Variants in MAGI2 observed in about 807,000 individuals in gnomAD.
MAGI2 encodes membrane associated guanylate kinase, WW and PDZ domain containing 2.
A neutral mutation model predicts 133.3 loss-of-function variants in MAGI2; 35 were observed. The observed-to-expected ratio is 0.26, with a 90% CI of 0.20 to 0.35. The LOEUF is 0.35. Ranked by LOEUF, MAGI2 falls within the 10% of genes least tolerant of loss-of-function variation. MAGI2 has a pLI of 1.00. For missense variants in MAGI2, 1,636 were observed against 1,863.4 expected (o/e 0.88, Z 2.25); for synonymous variants, 729 against 710.6 (o/e 1.03, Z -0.41).
At chr7:78,341,714 A>T (rs1790397175) in intron 9 of MAGI2, among the ~76,000 whole-genome samples, 1 of 152,232 alleles carries the variant, frequency 6.6e-6, no homozygotes, top group African/African-American at 2.4e-5. Flanking sequence ...TGGGGAAAGA[A>T]TTCCCTATTT....
intron 1 of MAGI2, among the ~76,000 whole-genome samples, chr7:79,335,965 G>A (rs919015001): frequency 2.6e-5 from 4 of 151,902 alleles, no homozygotes; most frequent in Non-Finnish European, 4.4e-5. Flanking sequence ...TCACCTGACT[G>A]TTCACCACTT....
At chr7:79,087,340 T>C (rs112113998) in intron 1 of MAGI2, among the ~76,000 whole-genome samples, 1 of 151,930 alleles carries the variant, frequency 6.6e-6, no homozygotes, top group African/African-American at 2.4e-5. Flanking sequence ...TGAGTTCTGA[T>C]TGTTCATCCA....
intron 2 of MAGI2, among the ~76,000 whole-genome samples, chr7:78,946,314 C>T (rs1361040674): frequency 6.6e-6 from 1 of 152,156 alleles, no homozygotes; most frequent in Admixed American, 6.5e-5. Context: ...ATTGTCATTA[C>T]ATCAACCAAT....
chr7:78,441,083 C>A (rs1044927649), intron 6 of MAGI2, among the ~76,000 whole-genome samples: 1 of 151,902 alleles, frequency 6.6e-6, no homozygotes, highest in African/African-American at 2.4e-5. Context: ...TAGTCCTCCT[C>A]CCCTTTGTAA....
intron 3 of MAGI2, among the ~76,000 whole-genome samples, chr7:78,580,845 T>C (rs1220813516): frequency 6.6e-6 from 1 of 152,180 alleles, no homozygotes; most frequent in Non-Finnish European, 1.5e-5. Context: ...AACATAAAGT[T>C]CTGTCTGTCC....
chr7:79,105,265 C>A (rs564282100), intron 1 of MAGI2, among the ~76,000 whole-genome samples: 1 of 152,118 alleles, frequency 6.6e-6, no homozygotes, highest in African/African-American at 2.4e-5. Context: ...AATGAAAAAT[C>A]CTGTATTTAA....
rs1190559917 is a variant in MAGI2, at chr7:78,370,116, T to C, written c.1046-903A>G. 7.9e-5 allele frequency among the ~76,000 whole-genome samples: 12 copies of C among 152,204 alleles called. No homozygotes were observed. The East Asian group carries it at 2.3e-3, about 29-fold the overall frequency. On this transcript the variant is annotated intron_variant, in intron 6 of 21. Transcript: ENST00000354212. ...TTATTATAGCAATAATATGTATCAC[T>C]GTAGACAAAGCACAGTTATCAAAAG...
At chr7:78,342,218 T>C (rs1790458284) in intron 9 of MAGI2, among the ~76,000 whole-genome samples, 1 of 152,156 alleles carries the variant, frequency 6.6e-6, no homozygotes, top group African/African-American at 2.4e-5. Flanking sequence ...TCATCATCAC[T>C]GGCCATCAGA....
intron 2 of MAGI2, among the ~76,000 whole-genome samples, chr7:78,736,321 G>C (rs1343528067): frequency 1.3e-5 from 2 of 152,058 alleles, no homozygotes; most frequent in African/African-American, 4.8e-5. Flanking sequence ...TATTCTAAAC[G>C]TAAGAATAAC....
intron 2 of MAGI2, among the ~76,000 whole-genome samples, chr7:78,738,731 A>C (rs1822108903): frequency 6.6e-6 from 1 of 152,198 alleles, no homozygotes; most frequent in Non-Finnish European, 1.5e-5. Context: ...AAATGTGTGA[A>C]ATGTGTTGTT....
chr7:78,475,667 A>G (rs571253015), intron 6 of MAGI2, among the ~76,000 whole-genome samples: 1 of 152,066 alleles, frequency 6.6e-6, no homozygotes, highest in South Asian at 2.1e-4. Context: ...TAGCACTTAA[A>G]TGTATTCATA....
chr7:79,335,054 C>T (rs1037361610), intron 1 of MAGI2, among the ~76,000 whole-genome samples: 7 of 152,002 alleles, frequency 4.6e-5, no homozygotes, highest in South Asian at 2.1e-4. Context: ...GGCTGAGCTA[C>T]GACTTGGTGA....
chr7:79,268,488 C>T (rs1221012199), intron 1 of MAGI2, among the ~76,000 whole-genome samples: 1 of 152,176 alleles, frequency 6.6e-6, no homozygotes, highest in Non-Finnish European at 1.5e-5. Context: ...AAACGCTAAC[C>T]TTTAACATGG....
intron 2 of MAGI2, among the ~76,000 whole-genome samples, chr7:78,633,084 T>C (rs1282440835): frequency 6.6e-6 from 1 of 152,218 alleles, no homozygotes; most frequent in Non-Finnish European, 1.5e-5. Flanking sequence ...ACAGCATGTA[T>C]TCTATGGGAA....
At chr7:79,443,573 C>G (rs1393140095) in intron 1 of MAGI2, among the ~76,000 whole-genome samples, 1 of 152,092 alleles carries the variant, frequency 6.6e-6, no homozygotes, top group Non-Finnish European at 1.5e-5. Flanking sequence ...TTATTATCCT[C>G]CACATAGCAA....
chr7:79,057,715 C>T (rs562327248), intron 1 of MAGI2, among the ~76,000 whole-genome samples: 28 of 152,138 alleles, frequency 1.8e-4, no homozygotes, highest in Non-Finnish European at 2.8e-4. Context: ...CTTTATGTTC[C>T]GAGAACCGAT....
chr7:78,126,865 C>A (rs553678792), intron 19 of MAGI2, among the ~76,000 whole-genome samples: 1 of 152,266 alleles, frequency 6.6e-6, no homozygotes, highest in East Asian at 1.9e-4. Flanking sequence ...TCTCAGAGGT[C>A]CCAGGTTAGA....
Position 78,127,246 on chromosome 7 carries a change from TGCTGCCTGTAGTCCAGTAGGGGAG to T in MAGI2, c.3350_3373del (p.Pro1117_Gln1124del). ...AGGGTACTGCCTGGTGTCGGGGGAG[TGCTGCCTGTAGTCCAGTAGGGGAG>T]GCTGCCTGTAGTCCAAGGGTGGGGG... On this transcript the variant is annotated inframe_deletion, in exon 19 of 22. Transcript: ENST00000354212. 4 of 1,606,458 alleles carry T rather than the reference TGCTGCCTGTAGTCCAGTAGGGGAG, an allele frequency of 2.5e-6. No individual in the cohort carries two copies. The highest frequency in any genetic ancestry group is 3.4e-6 in the Non-Finnish European group (4 of 1,176,636).
intron 1 of MAGI2, among the ~76,000 whole-genome samples, chr7:79,167,092 C>T (rs933232761): frequency 1.3e-5 from 2 of 152,050 alleles, no homozygotes; most frequent in Non-Finnish European, 2.9e-5. Context: ...GAGGTTTGCA[C>T]ATTTTTGTTC....
Sources: gnomAD v4.1 joint callset for allele counts (sites outside exome capture counted in the v4.1 genomes callset) on GRCh38, gnomAD v4.1.1 for gene constraint, MANE v1.5 for transcripts, NCBI Gene and HGNC (gene_info 2026-07-23, HGNC 2026-07-21) for gene names.